NAA16: variants seen among roughly 807,000 people sequenced by gnomAD.
The protein encoded by NAA16 is N-alpha-acetyltransferase 16, NatA auxiliary subunit.
A neutral mutation model predicts 110.3 loss-of-function variants in NAA16; 97 were observed. The ratio of observed to expected loss-of-function variants is 0.88; its 90% CI spans 0.75 to 1.04. The LOEUF (loss-of-function observed/expected upper bound fraction) is 1.04, where lower values mean the gene tolerates loss of function less well. NAA16 is among the 50% of genes least tolerant of loss of function. The pLI is 0.00. For missense variants in NAA16, 1,017 were observed against 1,005.1 expected, an observed-to-expected ratio of 1.01 and a Z score of -0.16; for synonymous variants, 372 against 330.6, an observed-to-expected ratio of 1.13 and a Z score of -1.36.
intron 8 of NAA16, 101 bp from the exon 9 acceptor site, chr13:41,336,546 TAGG>T: frequency 1.6e-6 from 1 of 639,368 alleles, no homozygotes; most frequent in Admixed American, 3.2e-5. Context: ...ATAAATTGGA[TAGG>T]AGCATAATTG....
At chr13:41,342,744 AGT>A (rs753623391) in intron 9 of NAA16, among the ~76,000 whole-genome samples, 57 of 152,236 alleles carry the variant, frequency 3.7e-4, no homozygotes, top group Non-Finnish European at 4.4e-4. Flanking sequence ...CCAGTGGGAC[AGT>A]GAGTGAGATG....
intron 2 of NAA16, among the ~76,000 whole-genome samples, chr13:41,318,416 G>C (rs1020078286): frequency 2.0e-5 from 3 of 152,014 alleles, no homozygotes; most frequent in African/African-American, 4.8e-5. Context: ...TGGCCAGGCT[G>C]GTCTCGAACT....
At chr13:41,321,697 ACT>A (rs1245847853) in intron 4 of NAA16, among the ~76,000 whole-genome samples, 6 of 151,962 alleles carry the variant, frequency 3.9e-5, no homozygotes, top group African/African-American at 9.7e-5. Flanking sequence ...TGCATCTTCA[ACT>A]CTCTCCTGGA....
intron 10 of NAA16, among the ~76,000 whole-genome samples, chr13:41,356,186 C>T (rs1052993551): frequency 6.7e-6 from 1 of 148,532 alleles, no homozygotes; most frequent in Non-Finnish European, 1.5e-5. Context: ...CGCGCGCACA[C>T]GCGGGGGTTT....
intron 9 of NAA16, among the ~76,000 whole-genome samples, chr13:41,343,497 G>C (rs1386606562): frequency 1.3e-5 from 2 of 151,808 alleles, no homozygotes; most frequent in Non-Finnish European, 2.9e-5. Context: ...TTTGTTCTTT[G>C]TTTTCCCCCT....
At chr13:41,329,429 T>C (rs1263449935) in intron 7 of NAA16, among the ~76,000 whole-genome samples, 1 of 151,836 alleles carries the variant, frequency 6.6e-6, no homozygotes, top group East Asian at 1.9e-4. Context: ...TTAATATTCC[T>C]AAAATCATAT....
At position 41,369,133 on chromosome 13, in the gene NAA16, G is replaced by T. The variant is rs1368261231; in HGVS notation, c.1797G>T (p.Gln599His). The part of the protein sequence containing the change: ...AKELKKMLSK[Q>H]RRAQKKAKLE... ...AATTGAAGAAAATGCTTAGCAAGCA[G>T]AGAAGAGCTCAGAAAAAGGCTAAAC... The change falls in exon 15 of 20, where the codon CAG (glutamine) becomes CAT (histidine). Residue 599 changes from glutamine to histidine, a missense_variant. Gln to His is a conservative substitution (Grantham distance 24). Transcript: ENST00000379406. 2 of 1,583,160 alleles carry T rather than the reference G, an allele frequency of 1.3e-6. No homozygotes were observed. The highest frequency in any genetic ancestry group is 2.0e-5 in the Admixed American group (1 of 51,062).
At chr13:41,366,761 T>C (rs919356476) in intron 13 of NAA16, among the ~76,000 whole-genome samples, 17 of 152,198 alleles carry the variant, frequency 1.1e-4, no homozygotes, top group African/African-American at 3.9e-4. Context: ...AGTTTACTGT[T>C]GAAAATGAAC....
chr13:41,348,789 C>A (rs1284456803), intron 9 of NAA16, among the ~76,000 whole-genome samples: 1 of 152,046 alleles, frequency 6.6e-6, no homozygotes, highest in Non-Finnish European at 1.5e-5. Flanking sequence ...CTGGACTTTT[C>A]TTTGTGGGTA....
chr13:41,331,801 T>C (rs1039449856), intron 8 of NAA16, among the ~76,000 whole-genome samples: 1 of 152,156 alleles, frequency 6.6e-6, no homozygotes, highest in Non-Finnish European at 1.5e-5. Flanking sequence ...ACTTGAAATG[T>C]TCGCAGCACA....
chr13:41,337,480 T>TTTC (rs1375546986), intron 9 of NAA16, among the ~76,000 whole-genome samples: 1 of 151,006 alleles, frequency 6.6e-6, no homozygotes, highest in African/African-American at 2.4e-5. Context: ...GAGGCAGAGC[T>TTTC]TGAAGTGAGC....
At chr13:41,318,205 A>T (rs1268008621) in intron 2 of NAA16, among the ~76,000 whole-genome samples, 1 of 142,696 alleles carries the variant, frequency 7.0e-6, no homozygotes, top group Non-Finnish European at 1.5e-5. Context: ...CTGCTTTGTA[A>T]TTTTTTTTTT....
At chr13:41,330,813 A>G (rs2139413091) in intron 7 of NAA16, among the ~76,000 whole-genome samples, 1 of 152,174 alleles carries the variant, frequency 6.6e-6, no homozygotes, top group African/African-American at 2.4e-5. Context: ...ATCTTCTTAT[A>G]TTTTAAACAT....
chr13:41,360,079 G>T (rs1254723077), intron 12 of NAA16, among the ~76,000 whole-genome samples: 3 of 152,118 alleles, frequency 2.0e-5, no homozygotes, highest in Non-Finnish European at 2.9e-5. Flanking sequence ...AAATTAAGAA[G>T]AGAGTACAAG....
At chr13:41,322,790 T>G (rs2041980229) in intron 4 of NAA16, among the ~76,000 whole-genome samples, 1 of 152,078 alleles carries the variant, frequency 6.6e-6, no homozygotes, top group African/African-American at 2.4e-5. Context: ...AAAAAAAAAT[T>G]CTCATTATTT....
chr13:41,350,964 A>G (rs2042821065), intron 9 of NAA16, among the ~76,000 whole-genome samples: 2 of 152,142 alleles, frequency 1.3e-5, no homozygotes, highest in African/African-American at 2.4e-5. Flanking sequence ...AGAGGTGTAC[A>G]TTGATTTGGG....
intron 6 of NAA16, among the ~76,000 whole-genome samples, chr13:41,326,755 A>G (rs1401000625): frequency 6.6e-6 from 1 of 152,186 alleles, no homozygotes; most frequent in Non-Finnish European, 1.5e-5. Flanking sequence ...TTAGGTTCAC[A>G]GTAAAATCTA....
At chr13:41,325,917 C>T (rs2042082367) in intron 6 of NAA16, 66 bp downstream of exon 6, 1 of 1,306,454 alleles carries the variant, frequency 7.7e-7, no homozygotes, top group South Asian at 1.5e-5. Flanking sequence ...ATTTTATTCT[C>T]TCCTAAGTCT....
intron 9 of NAA16, among the ~76,000 whole-genome samples, chr13:41,345,901 C>A (rs1371263096): frequency 6.6e-6 from 1 of 152,234 alleles, no homozygotes; most frequent in Non-Finnish European, 1.5e-5. Context: ...ATTCTAGATA[C>A]AAGTCTCTCA....
Sources: gnomAD v4.1 joint callset for allele counts (sites outside exome capture counted in the v4.1 genomes callset) on GRCh38, gnomAD v4.1.1 for gene constraint, MANE v1.5 for transcripts, NCBI Gene and HGNC (gene_info 2026-07-23, HGNC 2026-07-21) for gene names.